The following CATSPERB variants were observed in gnomAD, a reference collection of about 807,000 sequenced individuals.
CATSPERB encodes catsper channel auxiliary subunit beta, also known as cation channel sperm-associated auxiliary subunit beta.
Under a neutral mutation model 128.3 loss-of-function variants are expected in CATSPERB, and 93 were observed. The observed-to-expected ratio is 0.72, with a 90% confidence interval of 0.61 to 0.86. CATSPERB has a LOEUF of 0.86. CATSPERB is among the 40% of genes least tolerant of loss of function. The probability of loss-of-function intolerance (pLI) is 0.00; values close to 1 mark genes in which losing one functional copy is unlikely to be tolerated. For missense variants in CATSPERB, 1,153 were observed against 1,329.5 expected, an observed-to-expected ratio of 0.87 and a Z score of 2.06; for synonymous variants, 381 against 448.8, an observed-to-expected ratio of 0.85 and a Z score of 1.91.
intron 21 of CATSPERB, among the ~76,000 whole-genome samples, chr14:91,609,538 A>T (rs1258128937): frequency 6.6e-6 from 1 of 152,092 alleles, no homozygotes; most frequent in Admixed American, 6.5e-5. Context: ...GTATCTTTAC[A>T]TTTGCTTACA....
intron 20 of CATSPERB, among the ~76,000 whole-genome samples, chr14:91,611,483 G>A (rs1893825253): frequency 6.6e-6 from 1 of 152,154 alleles, no homozygotes; most frequent in Admixed American, 6.5e-5. Context: ...GGTGGCATAT[G>A]CCTGTAGTCC....
intron 15 of CATSPERB, among the ~76,000 whole-genome samples, chr14:91,655,972 A>G (rs1408084665): frequency 6.6e-6 from 1 of 152,198 alleles, no homozygotes; most frequent in Non-Finnish European, 1.5e-5. Flanking sequence ...TAACATACAA[A>G]GGAGCCCCAA....
At chr14:91,680,368 C>T (rs1895259675) in intron 11 of CATSPERB, among the ~76,000 whole-genome samples, 1 of 152,094 alleles carries the variant, frequency 6.6e-6, no homozygotes, top group Admixed American at 6.6e-5. Context: ...TTCAGAACCT[C>T]CAAATCAAGG....
At chr14:91,586,975 C>T (rs1334121805) in intron 26 of CATSPERB, among the ~76,000 whole-genome samples, 3 of 152,200 alleles carry the variant, frequency 2.0e-5, no homozygotes, top group Non-Finnish European at 4.4e-5. Flanking sequence ...CGTATTATTA[C>T]ATGTATTATT....
intron 11 of CATSPERB, among the ~76,000 whole-genome samples, chr14:91,675,781 C>A (rs1895182566): frequency 1.3e-5 from 2 of 152,142 alleles, no homozygotes; most frequent in Non-Finnish European, 2.9e-5. Flanking sequence ...AGGGATCCAA[C>A]CCTGAAGTAG....
intron 17 of CATSPERB, 137 bp downstream of exon 17, chr14:91,636,288 G>A (rs951770481): frequency 2.8e-6 from 2 of 726,902 alleles, no homozygotes; most frequent in East Asian, 2.5e-5. Context: ...GCTTGAGCCT[G>A]GGAGATTGAG....
At chr14:91,724,741 T>C (rs534730660) in intron 3 of CATSPERB, among the ~76,000 whole-genome samples, 1 of 152,240 alleles carries the variant, frequency 6.6e-6, no homozygotes, top group African/African-American at 2.4e-5. Context: ...ATTTTCAAGG[T>C]CATGTGAGGT....
chr14:91,698,832 GT>G (rs796143232), intron 7 of CATSPERB, among the ~76,000 whole-genome samples: 2 of 152,060 alleles, frequency 1.3e-5, no homozygotes, highest in South Asian at 2.1e-4. Flanking sequence ...CTAATGTGTG[GT>G]TTTTTTTATC....
intron 17 of CATSPERB, among the ~76,000 whole-genome samples, chr14:91,630,865 A>T (rs1894262657): frequency 6.6e-6 from 1 of 152,060 alleles, no homozygotes; most frequent in African/African-American, 2.4e-5. Flanking sequence ...TGCATCCTAT[A>T]ATACCGTCTA....
intron 18 of CATSPERB, among the ~76,000 whole-genome samples, chr14:91,622,843 T>A (rs375245292): frequency 2.0e-5 from 3 of 152,138 alleles, no homozygotes; most frequent in Admixed American, 6.5e-5. Flanking sequence ...CCAATCAGAC[T>A]TTTGTCTACA....
At chr14:91,665,305 C>G (rs1176368407) in intron 14 of CATSPERB, among the ~76,000 whole-genome samples, 1 of 152,112 alleles carries the variant, frequency 6.6e-6, no homozygotes, top group Admixed American at 6.5e-5. Flanking sequence ...AATCCATGCG[C>G]CCTAGGAATT....
At chr14:91,603,405 G>A (rs1893641752) in intron 22 of CATSPERB, 1 of 1,606,814 alleles carries the variant, frequency 6.2e-7, no homozygotes, top group African/African-American at 1.3e-5. Flanking sequence ...GGTATAAGCA[G>A]CACGTCCTCA....
intron 10 of CATSPERB, among the ~76,000 whole-genome samples, chr14:91,687,215 A>G (rs1264489477): frequency 6.6e-6 from 1 of 152,152 alleles, no homozygotes; most frequent in African/African-American, 2.4e-5. Context: ...TCTTTTTGTA[A>G]CTTTTTTAGT....
At chr14:91,669,288 G>T (rs1281487008) in intron 14 of CATSPERB, among the ~76,000 whole-genome samples, 1 of 151,272 alleles carries the variant, frequency 6.6e-6, no homozygotes, top group East Asian at 1.9e-4. Flanking sequence ...ATAATCTGTG[G>T]CCCTTACTTT....
At chr14:91,587,415 A>T (rs1893322479) in intron 25 of CATSPERB, 139 bp from the exon 26 acceptor site, 2 of 441,324 alleles carry the variant, frequency 4.5e-6, no homozygotes, top group Non-Finnish European at 7.8e-6. Context: ...AGGCTCTCGG[A>T]CATACACATC....
intron 22 of CATSPERB, among the ~76,000 whole-genome samples, chr14:91,606,012 C>A (rs566505530): frequency 6.6e-6 from 1 of 151,908 alleles, no homozygotes; most frequent in Non-Finnish European, 1.5e-5. Context: ...CCCGTCTCTA[C>A]TAAAAATACA....
At chr14:91,669,117 A>C (rs1895041636) in intron 14 of CATSPERB, among the ~76,000 whole-genome samples, 1 of 152,210 alleles carries the variant, frequency 6.6e-6, no homozygotes, top group Non-Finnish European at 1.5e-5. Context: ...AGTGTGAAAA[A>C]CTAAAATATG....
Position 91,682,908 on chromosome 14 carries a change from A to C in CATSPERB, c.931+969T>G, listed in dbSNP as rs1010250416. Among the ~76,000 whole-genome samples the C allele has an allele frequency of 1.6e-4, 24 of 152,184 alleles. 2 individuals are homozygous for C. On this transcript the variant is annotated intron_variant, in intron 11 of 26. Transcript: ENST00000256343. ...AAACTATATGGCTGTAGATATCCTG[A>C]CTGCAGCCTAAAGTGGCACTAGTGC...
intron 7 of CATSPERB, among the ~76,000 whole-genome samples, chr14:91,702,539 T>A (rs1357441346): frequency 1.3e-5 from 2 of 151,874 alleles, no homozygotes; most frequent in Non-Finnish European, 2.9e-5. Flanking sequence ...TGCTTTATAA[T>A]AAGTCATGCT....
Sources: allele counts gnomAD v4.1 joint callset (sites outside exome capture counted in the v4.1 genomes callset), GRCh38; gene constraint gnomAD v4.1.1; transcripts MANE v1.5; gene names NCBI Gene and HGNC (gene_info 2026-07-23, HGNC 2026-07-21).